The following GALNT17 variants were observed in gnomAD, a reference collection of about 807,000 sequenced individuals.
The protein encoded by GALNT17 is polypeptide N-acetylgalactosaminyltransferase 17, also known as UDP-GalNAc:polypeptide N-acetylgalactosaminyltransferase-like 3.
In GALNT17, 29 loss-of-function variants were observed where a neutral mutation model predicts 63.7. That is an observed-to-expected ratio of 0.46 (90% CI 0.34 to 0.62). The LOEUF (loss-of-function observed/expected upper bound fraction) is 0.62. Ranked by LOEUF, GALNT17 falls within the 20% of genes least tolerant of loss-of-function variation. The pLI is 0.01. For synonymous variants in GALNT17, 305 were observed against 318.3 expected (o/e 0.96, Z 0.45); for missense variants, 603 against 799.6 (o/e 0.75, Z 2.97).
intron 5 of GALNT17, among the ~76,000 whole-genome samples, chr7:71,500,254 A>G (rs1788159179): frequency 6.6e-6 from 1 of 152,110 alleles, no homozygotes; most frequent in Non-Finnish European, 1.5e-5. Context: ...ATTAATGTCT[A>G]TTCTGTATGT....
chr7:71,623,877 C>A (rs1178382337), intron 6 of GALNT17, among the ~76,000 whole-genome samples: 1 of 152,172 alleles, frequency 6.6e-6, no homozygotes, highest in African/African-American at 2.4e-5. Context: ...CTTCACCAGA[C>A]AATGGCAAAA....
At position 71,328,044 on chromosome 7, in the gene GALNT17, A is replaced by G. The variant is rs117788016; in HGVS notation, c.239-7506A>G. ...AGCTGTCCCTATAGGTCTTTCTCCT[A>G]GAGTATGCAACTGGGAGAAAAAGGA... On this transcript the variant is annotated intron_variant, in intron 1 of 10. Transcript: ENST00000333538. Among the ~76,000 whole-genome samples, 69 of 152,262 alleles carry G rather than the reference A, an allele frequency of 4.5e-4. 1 individual carries two copies. In the East Asian group the frequency reaches 0.011, roughly 25 times the overall value.
At chr7:71,389,339 G>A (rs1793007962) in intron 3 of GALNT17, among the ~76,000 whole-genome samples, 1 of 151,926 alleles carries the variant, frequency 6.6e-6, no homozygotes, top group South Asian at 2.1e-4. Flanking sequence ...TTGCTGTGTT[G>A]GTCAGGCTGA....
intron 6 of GALNT17, among the ~76,000 whole-genome samples, chr7:71,616,639 AATAT>A (rs1288305052): frequency 1.4e-5 from 2 of 144,216 alleles, no homozygotes; most frequent in African/African-American, 5.0e-5. Flanking sequence ...ATGTAATATA[AATAT>A]ATAATGTATA....
intron 1 of GALNT17, among the ~76,000 whole-genome samples, chr7:71,228,292 C>A (rs1020850532): frequency 2.0e-5 from 3 of 152,160 alleles, no homozygotes; most frequent in Non-Finnish European, 4.4e-5. Flanking sequence ...TAGTGGCCAT[C>A]CCTGGTTCCA....
rs536580495 is a variant in GALNT17, at chr7:71,692,016, A to G, written c.1500+14710A>G. On this transcript the variant is annotated intron_variant, in intron 9 of 10. Coordinates refer to ENST00000333538, the MANE Select transcript of GALNT17 (RefSeq NM_022479.3). The stretch of plus-strand genomic sequence containing the variant: ...AGCCGCGACCTCCTGGATTCAAGCA[A>G]TCCTCCCACCTCTGCCTCCCAAGTA... 3.6e-4 allele frequency among the ~76,000 whole-genome samples: 55 copies of G among 152,028 alleles called. No individual in the cohort carries two copies. The South Asian group carries it at 1.0e-2, about 28-fold the overall frequency.
chr7:71,197,362 G>A (rs1441754486), intron 1 of GALNT17, among the ~76,000 whole-genome samples: 2 of 132,298 alleles, frequency 1.5e-5, no homozygotes, highest in East Asian at 2.4e-4. Flanking sequence ...ACCACGGCCG[G>A]CTAATTTTTT....
intron 1 of GALNT17, among the ~76,000 whole-genome samples, chr7:71,145,637 G>A (rs1049672578): frequency 1.3e-5 from 2 of 152,114 alleles, no homozygotes; most frequent in African/African-American, 4.8e-5. Context: ...CTGCAAGCTT[G>A]GTTTATTTTC....
chr7:71,264,042 C>T (rs1034590630), intron 1 of GALNT17, among the ~76,000 whole-genome samples: 2 of 152,172 alleles, frequency 1.3e-5, no homozygotes, highest in Admixed American at 6.5e-5. Context: ...TGGGGACTAT[C>T]GTTTGAGAGC....
At chr7:71,206,415 C>T (rs911394469) in intron 1 of GALNT17, among the ~76,000 whole-genome samples, 7 of 151,944 alleles carry the variant, frequency 4.6e-5, no homozygotes, top group African/African-American at 1.7e-4. Flanking sequence ...CCAGAGGCAG[C>T]GGGAGAAGCA....
At chr7:71,233,304 G>A (rs1251726459) in intron 1 of GALNT17, among the ~76,000 whole-genome samples, 2 of 152,134 alleles carry the variant, frequency 1.3e-5, no homozygotes, top group African/African-American at 2.4e-5. Flanking sequence ...CTAGGGTGAG[G>A]TGTTGGAGGG....
At chr7:71,562,207 C>T (rs918217589) in intron 5 of GALNT17, among the ~76,000 whole-genome samples, 7 of 152,106 alleles carry the variant, frequency 4.6e-5, no homozygotes, top group Non-Finnish European at 8.8e-5. Context: ...TCAAGCAATC[C>T]TCTAGCCTTG....
intron 7 of GALNT17, 81 bp from the exon 8 acceptor site, chr7:71,669,891 C>G: frequency 6.4e-7 from 1 of 1,553,366 alleles, no homozygotes; most frequent in Non-Finnish European, 8.7e-7. Context: ...TGAAGGTTTC[C>G]CTGAAAGTGA....
chr7:71,616,400 G>T (rs1346423868), intron 6 of GALNT17, among the ~76,000 whole-genome samples: 1 of 150,652 alleles, frequency 6.6e-6, no homozygotes, highest in Admixed American at 6.6e-5. Context: ...TTCCTTTCCA[G>T]CTGTGTGCTT....
intron 9 of GALNT17, among the ~76,000 whole-genome samples, chr7:71,684,578 C>A (rs1381394461): frequency 6.6e-6 from 1 of 152,178 alleles, no homozygotes; most frequent in African/African-American, 2.4e-5. Flanking sequence ...AAAATGCTGA[C>A]AATAAGACCC....
At chr7:71,431,660 T>C (rs1786869345) in intron 5 of GALNT17, among the ~76,000 whole-genome samples, 1 of 152,132 alleles carries the variant, frequency 6.6e-6, no homozygotes, top group Non-Finnish European at 1.5e-5. Context: ...TGTTCTGTCT[T>C]TCCTGGAAAA....
chr7:71,372,485 A>T (rs965150530), intron 2 of GALNT17, among the ~76,000 whole-genome samples: 5 of 151,914 alleles, frequency 3.3e-5, no homozygotes, highest in Non-Finnish European at 7.4e-5. Flanking sequence ...CATTTTTAAG[A>T]TAGAATCTTG....
intron 6 of GALNT17, among the ~76,000 whole-genome samples, chr7:71,603,120 T>G (rs1423386718): frequency 6.6e-6 from 1 of 150,924 alleles, no homozygotes; most frequent in African/African-American, 2.4e-5. Context: ...GATACTATGC[T>G]AAGTGCATAT....
At chr7:71,633,169 G>A (rs1467213687) in intron 6 of GALNT17, among the ~76,000 whole-genome samples, 3 of 150,796 alleles carry the variant, frequency 2.0e-5, no homozygotes, top group Non-Finnish European at 4.4e-5. Flanking sequence ...GTGCTTAAAT[G>A]TGGTTCACAG....
Sources: allele counts gnomAD v4.1 joint callset (sites outside exome capture counted in the v4.1 genomes callset), GRCh38; gene constraint gnomAD v4.1.1; transcripts MANE v1.5; gene names NCBI Gene and HGNC (gene_info 2026-07-23, HGNC 2026-07-21).